Variants in FCHSD2 observed in about 807,000 individuals in gnomAD.
The protein encoded by FCHSD2 is F-BAR and double SH3 domains protein 2.
A neutral mutation model predicts 108.1 loss-of-function variants in FCHSD2; 38 were observed. The ratio of observed to expected loss-of-function variants is 0.35; its 90% CI spans 0.27 to 0.46. The LOEUF (loss-of-function observed/expected upper bound fraction) is 0.46. Ranked by LOEUF, FCHSD2 falls within the 20% of genes least tolerant of loss-of-function variation. The pLI is 1.00. For missense variants in FCHSD2, 751 were observed against 897.8 expected, an observed-to-expected ratio of 0.84 and a Z score of 2.09; for synonymous variants, 279 against 314.7, an observed-to-expected ratio of 0.89 and a Z score of 1.20.
At chr11:72,920,031 T>G (rs1855948819) in intron 9 of FCHSD2, among the ~76,000 whole-genome samples, 1 of 151,816 alleles carries the variant, frequency 6.6e-6, no homozygotes, top group South Asian at 2.1e-4. Flanking sequence ...CAAATTTACT[T>G]AAAAACAAGA....
chr11:72,892,311 G>C (rs1449735866), intron 10 of FCHSD2, among the ~76,000 whole-genome samples: 2 of 152,180 alleles, frequency 1.3e-5, no homozygotes, highest in African/African-American at 4.8e-5. Context: ...GATCAGGACA[G>C]GTAACTAATG....
Position 73,112,013 on chromosome 11 carries a change from TAAG to T in FCHSD2, c.119+28015_119+28017del, listed in dbSNP as rs1244831367. Reference sequence around the variant, plus strand: ...TTGTTCATCTTTTAGTCTTTCTACTTAAGAATAACTTATACATCACAATTACAG... The same window carrying T: ...TTGTTCATCTTTTAGTCTTTCTACTTAATAACTTATACATCACAATTACAG... On this transcript the variant is annotated intron_variant, in intron 2 of 19. Transcript: ENST00000409418. Among the ~76,000 whole-genome samples the T allele has an allele frequency of 7.2e-5, 11 of 152,358 alleles. No homozygotes were observed. In the South Asian group the frequency reaches 1.0e-3, roughly 14 times the overall value.
At chr11:73,047,237 AT>A (rs528629275) in intron 3 of FCHSD2, among the ~76,000 whole-genome samples, 35 of 149,270 alleles carry the variant, frequency 2.3e-4, no homozygotes, top group Admixed American at 3.3e-4. Context: ...TAAAACTACC[AT>A]TTTTTTTTTA....
intron 13 of FCHSD2, among the ~76,000 whole-genome samples, chr11:72,860,183 A>G (rs1861532433): frequency 2.0e-5 from 3 of 152,120 alleles, no homozygotes; most frequent in African/African-American, 4.8e-5. Context: ...CTCTCTGGCC[A>G]CTCACCTCCT....
chr11:73,132,861 T>C (rs147325868), intron 2 of FCHSD2, among the ~76,000 whole-genome samples: 204 of 144,136 alleles, frequency 1.4e-3, no homozygotes, highest in African/African-American at 5.0e-3. Context: ...GATTCTTCCA[T>C]AGAATGGGAA....
At chr11:72,957,825 AAGCACATAAAT>A (rs1378131105) in intron 8 of FCHSD2, among the ~76,000 whole-genome samples, 1 of 152,190 alleles carries the variant, frequency 6.6e-6, no homozygotes, top group Non-Finnish European at 1.5e-5. Context: ...ATATATACAC[AAGCACATAAAT>A]ATATAGTGAG....
chr11:73,138,214 C>T (rs1292490950), intron 2 of FCHSD2, among the ~76,000 whole-genome samples: 1 of 152,106 alleles, frequency 6.6e-6, no homozygotes, highest in African/African-American at 2.4e-5. Flanking sequence ...CATTATTGCC[C>T]CATTTTACAA....
At chr11:72,922,086 G>T in intron 8 of FCHSD2, 136 bp from the exon 9 acceptor site, 2 of 601,008 alleles carry the variant, frequency 3.3e-6, no homozygotes, top group Non-Finnish European at 5.7e-6. Flanking sequence ...GATACAGATT[G>T]TAAGTAAATA....
At chr11:72,998,166 G>A (rs942104451) in intron 5 of FCHSD2, among the ~76,000 whole-genome samples, 17 of 152,320 alleles carry the variant, frequency 1.1e-4, no homozygotes, top group Non-Finnish European at 2.2e-4. Flanking sequence ...TCATAAATGA[G>A]AGTTAAATGG....
chr11:72,861,658 G>T (rs555795310), intron 13 of FCHSD2, among the ~76,000 whole-genome samples: 12 of 152,218 alleles, frequency 7.9e-5, no homozygotes, highest in African/African-American at 2.9e-4. Flanking sequence ...GGCCGGGCGC[G>T]CTGGCTCATG....
intron 2 of FCHSD2, among the ~76,000 whole-genome samples, chr11:73,086,436 G>C (rs1205765961): frequency 2.6e-5 from 4 of 151,718 alleles, no homozygotes; most frequent in Admixed American, 2.6e-4. Flanking sequence ...AAAAACAAAA[G>C]ATCAATCTCA....
intron 2 of FCHSD2, among the ~76,000 whole-genome samples, chr11:73,108,411 G>A (rs569348568): frequency 6.6e-6 from 1 of 152,292 alleles, no homozygotes; most frequent in African/African-American, 2.4e-5. Context: ...TTCACTTCAT[G>A]TAATCCTATT....
chr11:73,098,469 A>C (rs546730125), intron 2 of FCHSD2, among the ~76,000 whole-genome samples: 32 of 152,324 alleles, frequency 2.1e-4, no homozygotes, highest in African/African-American at 7.2e-4. Context: ...CTAACATATG[A>C]TCTATCCTGG....
At position 72,967,198 on chromosome 11, in the gene FCHSD2, T is replaced by TC. The variant is rs1252707232; in HGVS notation, c.705+16889dup. ...CTGGGCGACAGAGCAAGACTCTGTC[T>TC]CAAAAAAAAAAAAAAAAAGTTAAGA... On this transcript the variant is annotated intron_variant, in intron 8 of 19. Coordinates refer to ENST00000409418, the MANE Select transcript of FCHSD2 (RefSeq NM_014824.3). Among the ~76,000 whole-genome samples the TC allele has an allele frequency of 1.9e-4, 25 of 133,434 alleles. No homozygotes were observed. The East Asian group carries it at 5.0e-3, about 27-fold the overall frequency. 87.5% of individuals were successfully genotyped at this position (133,434 alleles called of 152,430 possible).
chr11:72,923,984 G>T (rs762727396), intron 8 of FCHSD2, among the ~76,000 whole-genome samples: 8 of 152,024 alleles, frequency 5.3e-5, no homozygotes, highest in Non-Finnish European at 1.2e-4. Flanking sequence ...TTGTTGGGTT[G>T]TAAGAATCCT....
At position 73,125,897 on chromosome 11, in the gene FCHSD2, T is replaced by C. The variant is rs560686309; in HGVS notation, c.119+14134A>G. Among the ~76,000 whole-genome samples, 5 of 152,308 alleles carry C rather than the reference T, an allele frequency of 3.3e-5. 1 individual carries two copies. Among genetic ancestry groups the C allele is most frequent in the South Asian group, 4.1e-4 (2 of 4,828 alleles). On this transcript the variant is annotated intron_variant, in intron 2 of 19. Coordinates refer to ENST00000409418, the MANE Select transcript of FCHSD2 (RefSeq NM_014824.3). ...TAAAACAGAGCAAACCATTCTTCCA[T>C]GGAGAGAGCTGGCTAATGCAAAACT...
At chr11:73,088,654 TAC>T (rs1859882334) in intron 2 of FCHSD2, among the ~76,000 whole-genome samples, 1 of 152,230 alleles carries the variant, frequency 6.6e-6, no homozygotes, top group African/African-American at 2.4e-5. Flanking sequence ...ACACTTTTTT[TAC>T]ACTCATGTTG....
chr11:73,013,812 A>C (rs1857912037), intron 4 of FCHSD2, among the ~76,000 whole-genome samples: 1 of 152,160 alleles, frequency 6.6e-6, no homozygotes, highest in Non-Finnish European at 1.5e-5. Flanking sequence ...TGAATCCTGA[A>C]TTTTAAATAA....
At chr11:73,051,125 G>T (rs899818946) in intron 3 of FCHSD2, among the ~76,000 whole-genome samples, 1 of 152,164 alleles carries the variant, frequency 6.6e-6, no homozygotes, top group Non-Finnish European at 1.5e-5. Context: ...AGACTAGTCT[G>T]GGCTAACAAA....
Sources: allele counts gnomAD v4.1 joint callset (sites outside exome capture counted in the v4.1 genomes callset), GRCh38; gene constraint gnomAD v4.1.1; transcripts MANE v1.5; gene names NCBI Gene and HGNC (gene_info 2026-07-23, HGNC 2026-07-21).